Variants in SCTR observed in about 807,000 individuals in gnomAD.
SCTR encodes the protein pancreatic secretin receptor.
SCTR carries 56 observed loss-of-function variants against 60.8 expected under a neutral mutation model. That is an observed-to-expected ratio of 0.92 (90% CI 0.74 to 1.15). The LOEUF (loss-of-function observed/expected upper bound fraction) is 1.15. Ranked by LOEUF, SCTR falls within the 50% of genes most tolerant of loss-of-function variation. SCTR has a pLI of 0.00. For missense variants in SCTR, 562 were observed against 550.4 expected (o/e 1.02, Z -0.21); for synonymous variants, 202 against 217.0 (o/e 0.93, Z 0.61).
chr2:119,444,305 G>GT (rs368973864), intron 11 of SCTR, among the ~76,000 whole-genome samples: 1 of 8,706 alleles, frequency 1.1e-4, no homozygotes, highest in Non-Finnish European at 5.0e-4. Flanking sequence ...ATATACGTAT[G>GT]AATATATACA....
At chr2:119,513,528 T>G (rs1679020612) in intron 1 of SCTR, among the ~76,000 whole-genome samples, 2 of 152,252 alleles carry the variant, frequency 1.3e-5, no homozygotes, top group African/African-American at 4.8e-5. Flanking sequence ...TCTTTCCTTT[T>G]TGGTTTCAGA....
chr2:119,448,068 T>C (rs866991094), intron 10 of SCTR, among the ~76,000 whole-genome samples: 1 of 152,138 alleles, frequency 6.6e-6, no homozygotes, highest in Non-Finnish European at 1.5e-5. Flanking sequence ...AGAGGAAATA[T>C]GGACACACAG....
chr2:119,447,842 G>T (rs902683929), intron 10 of SCTR, among the ~76,000 whole-genome samples: 35 of 152,216 alleles, frequency 2.3e-4, no homozygotes, highest in African/African-American at 8.0e-4. Flanking sequence ...AAAGTGCTGG[G>T]ATTATTGGTG....
intron 1 of SCTR, among the ~76,000 whole-genome samples, chr2:119,497,307 G>A (rs1291163246): frequency 6.6e-6 from 1 of 151,716 alleles, no homozygotes; most frequent in Non-Finnish European, 1.5e-5. Context: ...ATTTTCACCT[G>A]GTCATAAGAA....
chr2:119,453,939 C>T (rs1683271158), intron 7 of SCTR, among the ~76,000 whole-genome samples: 1 of 152,192 alleles, frequency 6.6e-6, no homozygotes, highest in African/African-American at 2.4e-5. Context: ...CATTTCCTGA[C>T]TTCTAGTTAA....
chr2:119,484,681 T>C (rs1677787932), intron 2 of SCTR: 1 of 152,148 alleles, frequency 6.6e-6, no homozygotes, highest in South Asian at 2.1e-4. Flanking sequence ...TTTGTTTGTT[T>C]GTTTGTTTTT....
intron 7 of SCTR, among the ~76,000 whole-genome samples, chr2:119,460,169 C>T (rs1206718955): frequency 1.3e-5 from 2 of 151,594 alleles, no homozygotes; most frequent in African/African-American, 2.4e-5. Context: ...AGACAGGGCC[C>T]TTGTAAATAA....
At position 119,464,142 on chromosome 2, in the gene SCTR, G is replaced by T; in HGVS notation, c.617C>A (p.Thr206Asn). ...DAVLFSSDDV[T>N]YCDAHRAGCK... Reference sequence around the variant, plus strand: ...TATTACCCTGTGGGCATCGCAGTAGGTGACATCATCTGAGGAGAAGAGCAC... The same window carrying T: ...TATTACCCTGTGGGCATCGCAGTAGTTGACATCATCTGAGGAGAAGAGCAC... Residue 206 changes from threonine (T) to asparagine (N), a missense_variant, in exon 6 of 13, where the codon ACC (threonine) becomes AAC (asparagine). Thr to Asn is a moderately conservative substitution (Grantham distance 65). Transcript: ENST00000019103. 6.2e-7 allele frequency: 1 copy of T among 1,614,224 alleles called. No homozygotes were observed. Among genetic ancestry groups the T allele is most frequent in the Non-Finnish European group, 8.5e-7 (1 of 1,180,050 alleles).
rs145551492 is a variant in SCTR at position 119,514,978 on chromosome 2, G to A, written c.72+9177C>T. Among the ~76,000 whole-genome samples, 392 of 152,240 alleles carry A rather than the reference G, an allele frequency of 2.6e-3. 1 individual carries two copies. The highest frequency in any genetic ancestry group is 9.1e-3 in the African/African-American group (376 of 41,528). ...AACAACCAGAGACTGGAAAGATATCGCTTCAAGGGGGGAAAGGAAAGTAAT... is the reference window on the plus strand; with the variant it reads ...AACAACCAGAGACTGGAAAGATATCACTTCAAGGGGGGAAAGGAAAGTAAT... On this transcript the variant is annotated intron_variant, in intron 1 of 12. Transcript: ENST00000019103.
chr2:119,488,063 G>A (rs907358799), intron 2 of SCTR, among the ~76,000 whole-genome samples: 1 of 152,170 alleles, frequency 6.6e-6, no homozygotes, highest in Admixed American at 6.5e-5. Flanking sequence ...CCTTGGCCCT[G>A]GCTTCTGACC....
chr2:119,476,650 C>T (rs1397467398), intron 3 of SCTR: 2 of 152,240 alleles, frequency 1.3e-5, no homozygotes, highest in African/African-American at 2.4e-5. Context: ...GCCGTGAGCA[C>T]CAGCTCCGCC....
At chr2:119,478,696 T>G in intron 3 of SCTR, 115 bp downstream of exon 3, 1 of 837,226 alleles carries the variant, frequency 1.2e-6, no homozygotes, top group Non-Finnish European at 1.9e-6. Flanking sequence ...CCCCCATCAT[T>G]GTACCCATAC....
intron 2 of SCTR, among the ~76,000 whole-genome samples, chr2:119,490,197 G>A (rs533270276): frequency 2.0e-5 from 3 of 152,356 alleles, no homozygotes; most frequent in Admixed American, 1.3e-4. Context: ...CAGAGGGAAA[G>A]TGCAGTCAGG....
intron 2 of SCTR, among the ~76,000 whole-genome samples, chr2:119,483,465 A>C (rs1278595566): frequency 6.6e-6 from 1 of 152,052 alleles, no homozygotes; most frequent in Non-Finnish European, 1.5e-5. Flanking sequence ...CTAGCCCCCC[A>C]CAGTGTTGAT....
intron 1 of SCTR, among the ~76,000 whole-genome samples, chr2:119,513,906 G>C (rs1482736659): frequency 6.6e-6 from 1 of 152,124 alleles, no homozygotes; most frequent in African/African-American, 2.4e-5. Context: ...CCACTTTTTA[G>C]TATCCCATAA....
At chr2:119,478,772 C>T (rs1558861410) in intron 3 of SCTR, 39 bp downstream of exon 3, 3 of 1,603,130 alleles carry the variant, frequency 1.9e-6, no homozygotes, top group Admixed American at 1.7e-5. Context: ...AGGGACACCC[C>T]TCAGCCTGTC....
chr2:119,523,584 G>T (rs1367863517), intron 1 of SCTR, among the ~76,000 whole-genome samples: 1 of 151,884 alleles, frequency 6.6e-6, no homozygotes, highest in East Asian at 1.9e-4. Flanking sequence ...AGACCCAGAA[G>T]CTCCTGCCAG....
chr2:119,464,071 C>A (rs1424235824), intron 6 of SCTR, 52 bp downstream of exon 6: 1 of 1,602,470 alleles, frequency 6.2e-7, no homozygotes, highest in Admixed American at 1.7e-5. Context: ...CAAAGCTAGG[C>A]TGGGGAAGGC....
At chr2:119,456,007 A>G (rs1267181198) in intron 7 of SCTR, among the ~76,000 whole-genome samples, 1 of 152,042 alleles carries the variant, frequency 6.6e-6, no homozygotes, top group Non-Finnish European at 1.5e-5. Context: ...ACATCCCATA[A>G]CACTGATGCC....
Sources: allele counts gnomAD v4.1 joint callset (sites outside exome capture counted in the v4.1 genomes callset), GRCh38; gene constraint gnomAD v4.1.1; transcripts MANE v1.5; gene names NCBI Gene and HGNC (gene_info 2026-07-23, HGNC 2026-07-21).